The following ZNF107 variants were observed in gnomAD, a reference collection of about 807,000 sequenced individuals.
ZNF107 encodes the protein zinc finger protein 107, also known as C2H2 type zinc-finger protein.
ZNF107 carries 19 observed loss-of-function variants against 12.3 expected under a neutral mutation model. The observed-to-expected ratio is 1.55, with a 90% CI of 1.08 to 2.27. The LOEUF is 2.27. ZNF107 is among the 30% of genes most tolerant of loss of function. ZNF107 has a pLI of 0.00. For missense variants in ZNF107, 958 were observed against 979.9 expected (o/e 0.98, Z 0.30); for synonymous variants, 317 against 330.5 (o/e 0.96, Z 0.44).
At position 64,710,602 on chromosome 7, in the gene ZNF107, A is replaced by G. The variant is rs1012659545; in HGVS notation, c.*1946A>G. ...TAAAAGAAGTAGAATTTTTTTGTAG[A>G]TGTATAATTACATTCAAATTATATT... On this transcript the variant is annotated 3_prime_UTR_variant, in exon 4 of 4. Coordinates refer to ENST00000620827, the MANE Select transcript of ZNF107 (RefSeq NM_001282359.2). The G allele has an allele frequency of 5.3e-5, 8 of 152,178 alleles. No individual in the cohort carries two copies. The East Asian group carries it at 1.5e-3, about 29-fold the overall frequency. The allele number at this position is 152,178 out of a possible 1,614,324, so 9.4% of individuals were successfully genotyped here.
At chr7:64,674,218 A>G (rs1789338314) in intron 1 of ZNF107, among the ~76,000 whole-genome samples, 1 of 151,908 alleles carries the variant, frequency 6.6e-6, no homozygotes, top group African/African-American at 2.4e-5. Context: ...TGGCCATTTT[A>G]ATAATTTTGA....
rs1486694635 is a variant in ZNF107 at position 64,674,274 on chromosome 7, C to G, written c.3+7989C>G. Among the ~76,000 whole-genome samples, 3 of 152,232 alleles carry G rather than the reference C, an allele frequency of 2.0e-5. No individual in the cohort carries two copies. In the East Asian group the frequency reaches 5.8e-4, roughly 29 times the overall value. On this transcript the variant is annotated intron_variant, in intron 1 of 3. Coordinates refer to ENST00000620827, the MANE Select transcript of ZNF107 (RefSeq NM_001282359.2). ...AAAACGATTTTCCATTTATTTGTGT[C>G]ATATCTAACTTCTTTAAGCAGTGTT... is the stretch of plus-strand genomic sequence containing the variant.
chr7:64,674,383 TTG>T (rs762628491), intron 1 of ZNF107, among the ~76,000 whole-genome samples: 26 of 152,148 alleles, frequency 1.7e-4, no homozygotes, highest in Non-Finnish European at 1.6e-4. Context: ...GTGAATGAGA[TTG>T]TGTTTTTGAT....
intron 3 of ZNF107, among the ~76,000 whole-genome samples, chr7:64,704,189 C>T (rs1790566497): frequency 6.6e-6 from 1 of 152,030 alleles, no homozygotes; most frequent in African/African-American, 2.4e-5. Context: ...CTTTATGCGC[C>T]ATTATGATAA....
At chr7:64,686,703 A>G in intron 1 of ZNF107, 1 of 945,662 alleles carries the variant, frequency 1.1e-6, no homozygotes, top group Non-Finnish European at 1.3e-6. Flanking sequence ...CAAAAGAAGA[A>G]CAACGGGTTT....
chr7:64,690,378 CT>C, intron 1 of ZNF107: 3 of 982,546 alleles, frequency 3.1e-6, no homozygotes, highest in Non-Finnish European at 3.6e-6. Flanking sequence ...CAGATTCACC[CT>C]TTTTGGAGGC....
chr7:64,708,980 C>A lies in ZNF107; in HGVS notation c.*324C>A. 2.1e-6 allele frequency: 1 copy of A among 467,832 alleles called. No individual in the cohort carries two copies. The highest frequency in any genetic ancestry group is 4.0e-6 in the Non-Finnish European group (1 of 248,368). 29.0% of individuals were successfully genotyped at this position (467,832 alleles called of 1,614,324 possible). A position where few individuals can be genotyped will look rare whatever the true frequency, so the allele number is the denominator to read the frequency against. On this transcript the variant is annotated 3_prime_UTR_variant, in exon 4 of 4. Coordinates refer to ENST00000620827, the MANE Select transcript of ZNF107 (RefSeq NM_001282359.2). ...AGCCATACAAATGAGAAGAATGTGG[C>A]AATGCCTTTAATCAGTCCTCACACC...
At chr7:64,670,418 G>A (rs1180248966) in intron 1 of ZNF107, among the ~76,000 whole-genome samples, 2 of 152,130 alleles carry the variant, frequency 1.3e-5, no homozygotes, top group Non-Finnish European at 2.9e-5. Flanking sequence ...ACAAAAAATG[G>A]GGTTGTATGT....
Position 64,695,524 on chromosome 7 carries a change from G to A in ZNF107, c.226+3564G>A, listed in dbSNP as rs138903104. On this transcript the variant is annotated intron_variant, in intron 3 of 3. Transcript: ENST00000620827. ...AGGTTTCTTAACATCAGATTATTGT[G>A]TTTTGTTTTATTTATGTAATTTTAG... 4.9e-3 allele frequency among the ~76,000 whole-genome samples: 748 copies of A among 152,162 alleles called. 4 individuals carry two copies. Among genetic ancestry groups the A allele is most frequent in the Non-Finnish European group, 8.0e-3 (545 of 67,996 alleles).
intron 1 of ZNF107, among the ~76,000 whole-genome samples, chr7:64,678,209 C>G (rs1789500467): frequency 6.6e-6 from 1 of 152,006 alleles, no homozygotes; most frequent in East Asian, 1.9e-4. Context: ...TTGTTTAAAT[C>G]AAAACTCATT....
chr7:64,675,763 C>G (rs1225147531), intron 1 of ZNF107, among the ~76,000 whole-genome samples: 3 of 152,126 alleles, frequency 2.0e-5, no homozygotes, highest in African/African-American at 7.2e-5. Context: ...AACACTGTGT[C>G]AGCTGTGTTG....
At chr7:64,704,057 A>C (rs1005854047) in intron 3 of ZNF107, among the ~76,000 whole-genome samples, 3 of 151,938 alleles carry the variant, frequency 2.0e-5, no homozygotes, top group Non-Finnish European at 4.4e-5. Context: ...ATTCTTATTC[A>C]TTACGTCTGC....
chr7:64,687,304 CA>C, intron 1 of ZNF107: 1 of 985,520 alleles, frequency 1.0e-6, no homozygotes, highest in Non-Finnish European at 1.2e-6. Context: ...GTCACCATTA[CA>C]AATAAAAAAC....
chr7:64,686,522 C>T (rs1789918621), intron 1 of ZNF107: 3 of 985,388 alleles, frequency 3.0e-6, no homozygotes, highest in Non-Finnish European at 1.2e-6. Flanking sequence ...AACATCACCC[C>T]GTCCACTTCT....
Position 64,708,638 on chromosome 7 carries a change from T to C in ZNF107, c.2541T>C (p.Cys847=). ...KIHTGEKPYK[C]EYGKT ...ATACTGGAGAGAAACCCTACAAATG[T>C]GAGTATGGCAAAACTTAATTGATCC... Residue 847 remains cysteine (C), a synonymous_variant, in exon 4 of 4, where the codon TGT becomes TGC. Transcript: ENST00000620827. 1 of 1,561,562 alleles carries C rather than the reference T, an allele frequency of 6.4e-7. No homozygotes were observed. Among genetic ancestry groups the C allele is most frequent in the Non-Finnish European group, 8.6e-7 (1 of 1,165,366 alleles).
chr7:64,666,318 G>C, intron 1 of ZNF107, 33 bp downstream of exon 1: 3 of 1,607,438 alleles, frequency 1.9e-6, no homozygotes, highest in South Asian at 1.1e-5. Context: ...CCCGAGAGAG[G>C]GGGAGGGGCT....
chr7:64,706,599 A>T lies in ZNF107; in HGVS notation c.502A>T (p.Thr168Ser), dbSNP rs756791501. The part of the protein sequence containing the change: ...SNSNRYKRRH[T>S]GNKHFKCKEC... ...TTCAAATAGATATAAGAGAAGACAT[A>T]CAGGAAACAAACACTTCAAATGTAA... is the stretch of plus-strand genomic sequence containing the variant. The change falls in exon 4 of 4, where the codon ACA (threonine) becomes TCA (serine). Residue 168 changes from threonine to serine, a missense_variant. By Grantham distance (58) the Thr-to-Ser change is moderately conservative. Transcript: ENST00000620827. The T allele has an allele frequency of 1.9e-6, 3 of 1,612,894 alleles. No homozygotes were observed. Among genetic ancestry groups the T allele is most frequent in the East Asian group, 2.2e-5 (1 of 44,850 alleles).
chr7:64,673,245 T>C (rs1361885733), intron 1 of ZNF107, among the ~76,000 whole-genome samples: 2 of 152,202 alleles, frequency 1.3e-5, no homozygotes, highest in African/African-American at 4.8e-5. Flanking sequence ...GGTTTCACCA[T>C]CTTGGTCAGG....
At position 64,706,404 on chromosome 7, in the gene ZNF107, T is replaced by TA; in HGVS notation, c.308dup (p.Tyr103Ter). 1 of 1,613,214 alleles carries TA rather than the reference T, an allele frequency of 6.2e-7. No homozygotes were observed. The highest frequency in any genetic ancestry group is 1.1e-5 in the South Asian group (1 of 90,950). The stretch of plus-strand genomic sequence containing the variant: ...TTTCCAGAAAGTGACACTGAGAAGA[T>TA]ACGGAAAATGTGAATATGAGAATTT... ...DSFQKVTLRRYGKCEYENLQL... is the reference protein window; with the variant it reads ...DSFQKVTLRR The change falls in exon 4 of 4, where the codon TAC (tyrosine) becomes TAAC (stop). Residue 103 changes from tyrosine to a stop codon, truncating the protein, a stop_gained and frameshift_variant. Coordinates refer to ENST00000620827, the MANE Select transcript of ZNF107 (RefSeq NM_001282359.2). LOFTEE classifies it low-confidence loss of function (END_TRUNC).
Sources: allele counts gnomAD v4.1 joint callset (sites outside exome capture counted in the v4.1 genomes callset), GRCh38; gene constraint gnomAD v4.1.1; transcripts MANE v1.5; gene names NCBI Gene and HGNC (gene_info 2026-07-23, HGNC 2026-07-21).